Variants in TG observed in about 807,000 individuals in gnomAD.
The protein encoded by TG is thyroid hormones.
In TG, 270 loss-of-function variants were observed where a neutral mutation model predicts 324.7. The observed-to-expected ratio is 0.83, with a 90% CI of 0.75 to 0.92. The LOEUF (loss-of-function observed/expected upper bound fraction) is 0.92. Among genes scored for constraint, TG ranks in the 40% least tolerant of loss-of-function variants. The pLI is 0.00. For synonymous variants in TG, 1,401 were observed against 1,327.0 expected (o/e 1.06, Z -1.21); for missense variants, 3,591 against 3,456.4 (o/e 1.04, Z -0.98).
intron 20 of TG, among the ~76,000 whole-genome samples, chr8:132,917,408 G>T (rs1235038440): frequency 1.3e-5 from 2 of 151,876 alleles, no homozygotes; most frequent in East Asian, 3.9e-4. Flanking sequence ...GTGTGTGTGT[G>T]TATACCTGTG....
intron 27 of TG, among the ~76,000 whole-genome samples, chr8:132,951,840 A>C (rs1237969782): frequency 1.3e-5 from 2 of 152,202 alleles, no homozygotes; most frequent in African/African-American, 4.8e-5. Flanking sequence ...AGGGAGTGTA[A>C]TAATTTAAAT....
intron 35 of TG, among the ~76,000 whole-genome samples, chr8:133,010,089 A>G (rs1216472214): frequency 6.6e-6 from 1 of 152,210 alleles, no homozygotes; most frequent in East Asian, 1.9e-4. Context: ...CCTGGGGATA[A>G]TGTTCTGGAA....
chr8:133,131,588 C>T (rs1437221796), intron 45 of TG, among the ~76,000 whole-genome samples: 1 of 152,200 alleles, frequency 6.6e-6, no homozygotes, highest in Non-Finnish European at 1.5e-5. Context: ...GTTGGTCTCA[C>T]TTTAGCAACA....
At chr8:132,912,144 G>T (rs896902689) in intron 19 of TG, among the ~76,000 whole-genome samples, 2 of 152,150 alleles carry the variant, frequency 1.3e-5, no homozygotes, top group African/African-American at 4.8e-5. Flanking sequence ...TGTTCTATGA[G>T]GAAGAACTTC....
intron 41 of TG, among the ~76,000 whole-genome samples, chr8:133,093,045 C>A (rs1001561790): frequency 2.0e-5 from 3 of 152,126 alleles, no homozygotes; most frequent in African/African-American, 7.2e-5. Flanking sequence ...CTCTGCCTGC[C>A]TGTGGGCCCT....
chr8:133,036,404 C>T (rs1564095973), intron 41 of TG, among the ~76,000 whole-genome samples: 2 of 152,170 alleles, frequency 1.3e-5, no homozygotes, highest in African/African-American at 4.8e-5. Flanking sequence ...GAAAGAAATT[C>T]TTGGAAGAAC....
At chr8:132,961,203 C>T (rs1415955889) in intron 28 of TG, 130 bp downstream of exon 28, 3 of 934,506 alleles carry the variant, frequency 3.2e-6, no homozygotes, top group South Asian at 1.4e-5. Flanking sequence ...CAAATGCATA[C>T]TTTCTGTGGA....
intron 41 of TG, chr8:133,094,783 G>T: frequency 3.6e-6 from 2 of 554,770 alleles, no homozygotes; most frequent in Non-Finnish European, 6.5e-6. Context: ...GCACAGCCAA[G>T]ACTGAAGGTT....
At chr8:132,888,734 C>A (rs1220708870) in intron 10 of TG, among the ~76,000 whole-genome samples, 166 bp downstream of exon 10, 1 of 152,088 alleles carries the variant, frequency 6.6e-6, no homozygotes, top group Non-Finnish European at 1.5e-5. Flanking sequence ...GGGGAAGGGA[C>A]TTCCCTGTAT....
chr8:132,934,249 C>T (rs1008501626), intron 24 of TG, among the ~76,000 whole-genome samples: 3 of 152,060 alleles, frequency 2.0e-5, no homozygotes, highest in Non-Finnish European at 4.4e-5. Context: ...GCAGGAGAAT[C>T]GCTTGAACCC....
Position 132,922,570 on chromosome 8 carries a change from G to A in TG, c.4529-768G>A, listed in dbSNP as rs12542426. On this transcript the variant is annotated intron_variant, in intron 21 of 47. Transcript: ENST00000220616. Reference sequence around the variant, plus strand: ...TAACATTTGGGCCTGACTGGGCTGGGACGTCCAGAGATGTCTTAGTCCATT... The same window carrying A: ...TAACATTTGGGCCTGACTGGGCTGGAACGTCCAGAGATGTCTTAGTCCATT... Among the ~76,000 whole-genome samples, 227 of 152,322 alleles carry A rather than the reference G, an allele frequency of 1.5e-3. 6 individuals are homozygous for A. Among genetic ancestry groups the A allele is most frequent in the Admixed American group, 0.011 (175 of 15,298 alleles).
chr8:132,883,965 C>T (rs925816667), intron 8 of TG, among the ~76,000 whole-genome samples: 3 of 152,186 alleles, frequency 2.0e-5, no homozygotes, highest in Non-Finnish European at 2.9e-5. Flanking sequence ...CCTTTCTTTC[C>T]TCTTCCTAGC....
At chr8:133,067,061 T>C (rs1300490333) in intron 41 of TG, among the ~76,000 whole-genome samples, 1 of 152,206 alleles carries the variant, frequency 6.6e-6, no homozygotes, top group Non-Finnish European at 1.5e-5. Context: ...TGCTCAGTGC[T>C]GCCTGTGGTC....
chr8:132,972,700 T>C lies in TG; in HGVS notation c.6158T>C (p.Ile2053Thr). 4 of 1,613,714 alleles carry C rather than the reference T, an allele frequency of 2.5e-6. No individual in the cohort carries two copies. The highest frequency in any genetic ancestry group is 1.7e-5 in the Admixed American group (1 of 59,968). ...ATTTTGGACTGTGGCTCTCCTGACATTGAAGTCCACACCTATCCCTTCGGA... is the reference window on the plus strand; with the variant it reads ...ATTTTGGACTGTGGCTCTCCTGACACTGAAGTCCACACCTATCCCTTCGGA... ...WRILDCGSPD[I>T]EVHTYPFGWY... Residue 2053 changes from isoleucine to threonine, a missense_variant, in exon 34 of 48, where the codon ATT becomes ACT. Transcript: ENST00000220616.
At chr8:133,023,637 C>T (rs1308504379) in intron 40 of TG, among the ~76,000 whole-genome samples, 1 of 152,120 alleles carries the variant, frequency 6.6e-6, no homozygotes, top group Admixed American at 6.6e-5. Context: ...TAATTTGTGC[C>T]ATTGGTAGCC....
At position 133,091,883 on chromosome 8, in the gene TG, G is replaced by A. The variant is rs985670930; in HGVS notation, c.7240-3161G>A. 3.3e-5 allele frequency among the ~76,000 whole-genome samples: 5 copies of A among 151,994 alleles called. No individual in the cohort carries two copies. In the East Asian group the frequency reaches 5.8e-4, roughly 18 times the overall value. ...TGTAAGTGTGTATCTCTGTGTGAGT[G>A]TGTCTCTATCTATGACTGTGTGTCT... On this transcript the variant is annotated intron_variant, in intron 41 of 47. Coordinates refer to ENST00000220616, the MANE Select transcript of TG (RefSeq NM_003235.5).
chr8:132,884,053 G>A (rs1346283201), intron 8 of TG, among the ~76,000 whole-genome samples: 1 of 152,140 alleles, frequency 6.6e-6, no homozygotes, highest in African/African-American at 2.4e-5. Context: ...ATTGCCACGT[G>A]GCCATCTTCC....
At chr8:132,893,581 G>T (rs1480388345) in intron 10 of TG, 109 bp from the exon 11 acceptor site, 2 of 1,409,294 alleles carry the variant, frequency 1.4e-6, no homozygotes, top group South Asian at 1.2e-5. Flanking sequence ...TGTGTGTGTG[G>T]TGTGTGTGTG....
chr8:133,017,519 T>G (rs965453249), intron 37 of TG, among the ~76,000 whole-genome samples: 5 of 152,162 alleles, frequency 3.3e-5, no homozygotes, highest in African/African-American at 1.2e-4. Flanking sequence ...CCTGGATCCA[T>G]GTATAGAAGG....
Sources: gnomAD v4.1 joint callset for allele counts (sites outside exome capture counted in the v4.1 genomes callset) on GRCh38, gnomAD v4.1.1 for gene constraint, MANE v1.5 for transcripts, NCBI Gene and HGNC (gene_info 2026-07-23, HGNC 2026-07-21) for gene names.